Variants in AGAP1 observed in about 807,000 individuals in gnomAD.
AGAP1 encodes ArfGAP with GTPase domain, ankyrin repeat and PH domain 1.
In AGAP1, 29 loss-of-function variants were observed where a neutral mutation model predicts 105.3. That is an observed-to-expected ratio of 0.28 (90% confidence interval 0.21 to 0.38). The LOEUF is 0.38. AGAP1 is among the 10% of genes least tolerant of loss of function. The pLI, the probability that AGAP1 is intolerant of heterozygous loss-of-function variation, is 1.00. For missense variants in AGAP1, 998 were observed against 1,165.1 expected, an observed-to-expected ratio of 0.86 and a Z score of 2.09; for synonymous variants, 509 against 485.9, an observed-to-expected ratio of 1.05 and a Z score of -0.63.
chr2:235,822,402 T>C (rs760291667), intron 9 of AGAP1, among the ~76,000 whole-genome samples: 1 of 151,852 alleles, frequency 6.6e-6, no homozygotes, highest in Non-Finnish European at 1.5e-5. Flanking sequence ...GAGGAGGAGC[T>C]GGAGAAGCCC....
rs118191120 is a variant in AGAP1, at chr2:235,843,660, G to C, written c.1050+36329G>C. Reference sequence around the variant, plus strand: ...CTGGGCTCCCCTCCGCCCTGCATCTGAGATCTCTGTTTTAAGGCCAGCTCT... The same window carrying C: ...CTGGGCTCCCCTCCGCCCTGCATCTCAGATCTCTGTTTTAAGGCCAGCTCT... On this transcript the variant is annotated intron_variant, in intron 9 of 17. Coordinates refer to ENST00000304032, the MANE Select transcript of AGAP1 (RefSeq NM_001037131.3). The surrounding 1 kb of genome is among the most constrained non-coding windows in gnomAD (Gnocchi z 5.9). Among the ~76,000 whole-genome samples, 8 of 152,066 alleles carry C rather than the reference G, an allele frequency of 5.3e-5. No individual in the cohort carries two copies. The highest frequency in any genetic ancestry group is 1.9e-4 in the African/African-American group (8 of 41,410).
At chr2:236,112,672 CAG>C (rs202081975) in intron 16 of AGAP1, among the ~76,000 whole-genome samples, 5,116 of 152,280 alleles carry the variant, frequency 0.034, 145 homozygotes, top group Non-Finnish European at 0.05. Flanking sequence ...GGCCCAAGCT[CAG>C]GGGCTCAGGA....
At chr2:235,706,596 G>A (rs973071751) in intron 1 of AGAP1, among the ~76,000 whole-genome samples, 2 of 152,172 alleles carry the variant, frequency 1.3e-5, no homozygotes, top group East Asian at 3.9e-4. Context: ...ATCCATCTCT[G>A]TATCGCACCT....
intron 16 of AGAP1, among the ~76,000 whole-genome samples, chr2:236,112,028 AC>A (rs757104828): frequency 3.3e-5 from 5 of 152,020 alleles, no homozygotes; most frequent in Non-Finnish European, 5.9e-5. Context: ...TCGGGCTTTT[AC>A]CCCAGGACCT....
intron 1 of AGAP1, among the ~76,000 whole-genome samples, chr2:235,503,489 A>G (rs1574701083): frequency 6.6e-6 from 1 of 152,152 alleles, no homozygotes; most frequent in Admixed American, 6.5e-5. Context: ...AGCTTCAACA[A>G]TCAAGCCTGG....
chr2:235,495,628 G>A (rs1941283309), intron 1 of AGAP1, among the ~76,000 whole-genome samples: 1 of 152,254 alleles, frequency 6.6e-6, no homozygotes, highest in African/African-American at 2.4e-5. Flanking sequence ...TGCATGTCAG[G>A]CAGGGCCATG....
At chr2:235,810,346 G>C (rs1386017534) in intron 9 of AGAP1, among the ~76,000 whole-genome samples, 1 of 152,150 alleles carries the variant, frequency 6.6e-6, no homozygotes, top group Non-Finnish European at 1.5e-5. Flanking sequence ...CCATGTGAAA[G>C]ACTCGGGTCT....
At chr2:235,923,635 G>T (rs554973692) in intron 11 of AGAP1, among the ~76,000 whole-genome samples, 2 of 151,982 alleles carry the variant, frequency 1.3e-5, no homozygotes, top group African/African-American at 4.8e-5. Flanking sequence ...CTCCGGCTCT[G>T]TGTTCTGTGT....
At chr2:235,673,874 T>G (rs1356120813) in intron 1 of AGAP1, among the ~76,000 whole-genome samples, 1 of 152,262 alleles carries the variant, frequency 6.6e-6, no homozygotes, top group African/African-American at 2.4e-5. Flanking sequence ...ATTTTTGAAT[T>G]GGCTACAGAA....
intron 13 of AGAP1, among the ~76,000 whole-genome samples, chr2:235,995,477 G>A (rs2055769783): frequency 6.6e-6 from 1 of 152,190 alleles, no homozygotes; most frequent in Admixed American, 6.5e-5. Context: ...TAGTGCCACT[G>A]CACTTAAGCC....
At chr2:235,684,118 T>G (rs895741806) in intron 1 of AGAP1, among the ~76,000 whole-genome samples, 48 of 152,266 alleles carry the variant, frequency 3.2e-4, no homozygotes, top group Non-Finnish European at 1.3e-4. Context: ...CTCGGCTCAC[T>G]GCAAGCTCCG....
chr2:235,501,042 G>A (rs2149001144), intron 1 of AGAP1, among the ~76,000 whole-genome samples: 1 of 152,234 alleles, frequency 6.6e-6, no homozygotes, highest in Non-Finnish European at 1.5e-5. Context: ...ACAGGCTGGG[G>A]GTTTAGATGT....
At chr2:235,710,123 A>G (rs1950775448) in intron 2 of AGAP1, among the ~76,000 whole-genome samples, 1 of 152,190 alleles carries the variant, frequency 6.6e-6, no homozygotes, top group South Asian at 2.1e-4. Flanking sequence ...GGGCCTGCCT[A>G]GTGTGTCTGT....
At position 236,002,827 on chromosome 2, in the gene AGAP1, A is replaced by C. The variant is rs2125523958; in HGVS notation, c.1646-33734A>C. ...TATTTATATGATATTTCTTGCGTTG[A>C]ATTCAGTATGTGCTCAAGTTAAGTG... On this transcript the variant is annotated intron_variant, in intron 13 of 17. Coordinates refer to ENST00000304032, the MANE Select transcript of AGAP1 (RefSeq NM_001037131.3). This position sits in a 1 kb window ranked among gnomAD's most constrained non-coding sequence, Gnocchi z 4.3. 6.6e-6 allele frequency among the ~76,000 whole-genome samples: 1 copy of C among 152,242 alleles called. No individual in the cohort carries two copies. Among genetic ancestry groups the C allele is most frequent in the East Asian group, 1.9e-4 (1 of 5,182 alleles).
chr2:235,674,693 C>CTTTTTTT (rs201019044), intron 1 of AGAP1, among the ~76,000 whole-genome samples: 80 of 136,288 alleles, frequency 5.9e-4, no homozygotes, highest in African/African-American at 2.1e-3. Flanking sequence ...GGGTGATAGA[C>CTTTTTTT]TTTTTTTTTT....
At chr2:235,629,863 C>CAAAAAAAAA (rs10691632) in intron 1 of AGAP1, among the ~76,000 whole-genome samples, 11 of 95,608 alleles carry the variant, frequency 1.2e-4, no homozygotes, top group South Asian at 3.9e-4. Flanking sequence ...GACCCTGTCT[C>CAAAAAAAAA]AAAAAAAAAA....
At chr2:235,500,041 G>C (rs1311868598) in intron 1 of AGAP1, among the ~76,000 whole-genome samples, 1 of 152,130 alleles carries the variant, frequency 6.6e-6, no homozygotes, top group African/African-American at 2.4e-5. Flanking sequence ...TGGTGGGCTG[G>C]CTTGGTGGGA....
At chr2:236,049,025 G>C (rs1419742813) in intron 15 of AGAP1, 34 bp from the exon 16 acceptor site, 1 of 1,580,622 alleles carries the variant, frequency 6.3e-7, no homozygotes, top group Middle Eastern at 1.7e-4. Context: ...ATGATGGTCT[G>C]ATTGCGTTTA....
At position 235,741,760 on chromosome 2, in the gene AGAP1, T is replaced by A. The variant is rs1159650120; in HGVS notation, c.396+712T>A. ...TTATTGTTATTTTTTATTATTTATT[T>A]ATTTTTTTTTTTTGAGACAGTCTCG... On this transcript the variant is annotated intron_variant, in intron 4 of 17. Transcript: ENST00000304032. The surrounding 1 kb of genome is among the most constrained non-coding windows in gnomAD (Gnocchi z 4.9). 1.3e-5 allele frequency among the ~76,000 whole-genome samples: 2 copies of A among 149,652 alleles called. No individual in the cohort carries two copies. The highest frequency in any genetic ancestry group is 6.6e-5 in the Admixed American group (1 of 15,130).
Sources: allele counts gnomAD v4.1 joint callset (sites outside exome capture counted in the v4.1 genomes callset), GRCh38; gene constraint gnomAD v4.1.1; non-coding constraint Gnocchi (gnomAD v3.1); transcripts MANE v1.5; gene names NCBI Gene and HGNC (gene_info 2026-07-23, HGNC 2026-07-21).